PDZD2: variants seen among roughly 807,000 people sequenced by gnomAD.
PDZD2 encodes the protein PDZ domain containing 2.
PDZD2 carries 90 observed loss-of-function variants against 220.7 expected under a neutral mutation model. The observed-to-expected ratio is 0.41, with a 90% CI of 0.34 to 0.49. The LOEUF (loss-of-function observed/expected upper bound fraction) is 0.49, where lower values mean the gene tolerates loss of function less well. Among genes scored for constraint, PDZD2 ranks in the 20% least tolerant of loss-of-function variants. PDZD2 has a pLI of 0.28. For missense variants in PDZD2, 3,174 were observed against 3,608.5 expected, an observed-to-expected ratio of 0.88 and a Z score of 3.08; for synonymous variants, 1,375 against 1,450.5, an observed-to-expected ratio of 0.95 and a Z score of 1.18.
At chr5:32,106,198 C>T (rs781567766) in intron 24 of PDZD2, 8 of 154,828 alleles carry the variant, frequency 5.2e-5, no homozygotes, top group Non-Finnish European at 8.5e-5. Flanking sequence ...TGATGGGAGA[C>T]AATGACAGAT....
intron 5 of PDZD2, among the ~76,000 whole-genome samples, chr5:32,005,351 G>C (rs1018415096): frequency 6.6e-6 from 1 of 152,166 alleles, no homozygotes; most frequent in African/African-American, 2.4e-5. Flanking sequence ...TTTGCTTATA[G>C]TAGGAGCTTA....
At chr5:31,645,294 A>G (rs1364489398) in intron 1 of PDZD2, among the ~76,000 whole-genome samples, 1 of 150,722 alleles carries the variant, frequency 6.6e-6, no homozygotes, top group Non-Finnish European at 1.5e-5. Context: ...GTGTTTTAGC[A>G]GGAGTCGAAA....
intron 2 of PDZD2, among the ~76,000 whole-genome samples, chr5:31,890,642 T>C (rs1241744473): frequency 6.6e-6 from 1 of 152,202 alleles, no homozygotes; most frequent in Non-Finnish European, 1.5e-5. Flanking sequence ...AAGAGAAGGC[T>C]GGCTTAACAT....
intron 1 of PDZD2, among the ~76,000 whole-genome samples, chr5:31,697,966 G>T (rs555494699): frequency 1.7e-4 from 26 of 151,444 alleles, no homozygotes; most frequent in African/African-American, 6.3e-4. Context: ...GCAGTGGCGC[G>T]ATCTTGGCTC....
rs374729408 is a variant in PDZD2 at position 32,088,223 on chromosome 5, C to T, written c.4775C>T (p.Ser1592Leu). The T allele has an allele frequency of 1.3e-5, 21 of 1,614,134 alleles. No individual in the cohort carries two copies. The African/African-American group carries it at 2.3e-4, about 17-fold the overall frequency. ...SRVSLHKEDPSESEEEQIEIC... is the reference protein window; with the variant it reads ...SRVSLHKEDPLESEEEQIEIC... ...GTGTCTTTGCACAAGGAAGATCCTT[C>T]GGAGTCAGAAGAGGAACAGATTGAG... The change falls in exon 20 of 25, where the codon TCG becomes TTG. Residue 1592 changes from serine (S) to leucine (L), a missense_variant. By Grantham distance (145) the Ser-to-Leu change is moderately radical. Transcript: ENST00000438447. The surrounding 1 kb of genome is among the most constrained non-coding windows in gnomAD (Gnocchi z 4.6).
At chr5:31,733,709 G>A (rs1015007798) in intron 1 of PDZD2, among the ~76,000 whole-genome samples, 6 of 152,170 alleles carry the variant, frequency 3.9e-5, no homozygotes, top group East Asian at 1.9e-4. Context: ...GAAAAGTCGC[G>A]ATTCCTGGTG....
At chr5:31,661,181 G>A (rs760235760) in intron 1 of PDZD2, among the ~76,000 whole-genome samples, 4 of 152,250 alleles carry the variant, frequency 2.6e-5, no homozygotes, top group South Asian at 2.1e-4. Context: ...TCCTGGCTTC[G>A]GAGGTTCTGA....
chr5:31,933,826 C>T (rs1745501245), intron 2 of PDZD2, among the ~76,000 whole-genome samples: 1 of 152,152 alleles, frequency 6.6e-6, no homozygotes, highest in South Asian at 2.1e-4. Flanking sequence ...ACAGTGGTCT[C>T]CTAAGCCCAG....
rs200484067 is a variant in PDZD2, at chr5:32,053,755, T to C, written c.1786-14T>C. ...CACACTGTCAACCTGGACTCTCATC[T>C]GCTTCGGATCTAGGGCCTTGGCTTT... On this transcript the variant is annotated splice_polypyrimidine_tract_variant and intron_variant, in intron 9 of 24. Coordinates refer to ENST00000438447, the MANE Select transcript of PDZD2 (RefSeq NM_178140.4). 38 of 1,477,726 alleles carry C rather than the reference T, an allele frequency of 2.6e-5. No individual in the cohort carries two copies. The African/African-American group carries it at 4.6e-4, about 18-fold the overall frequency. 91.5% of individuals were successfully genotyped at this position (1,477,726 alleles called of 1,614,324 possible).
chr5:31,872,174 C>T (rs560913006), intron 2 of PDZD2, among the ~76,000 whole-genome samples: 2 of 66,836 alleles, frequency 3.0e-5, no homozygotes, highest in African/African-American at 1.1e-4. Context: ...TGTGTGTAAC[C>T]AGCCCACCTG....
intron 8 of PDZD2, among the ~76,000 whole-genome samples, chr5:32,051,780 C>T (rs1340459667): frequency 6.6e-6 from 1 of 152,196 alleles, no homozygotes; most frequent in East Asian, 1.9e-4. Flanking sequence ...AGAACTGAAG[C>T]TGCTGCCGTC....
chr5:31,994,048 C>G (rs1160707928), intron 3 of PDZD2, among the ~76,000 whole-genome samples: 1 of 152,038 alleles, frequency 6.6e-6, no homozygotes, highest in East Asian at 1.9e-4. Context: ...GATGGAGTCT[C>G]ACTGTGTCAC....
At chr5:31,991,141 T>TTCTC (rs1362665174) in intron 3 of PDZD2, among the ~76,000 whole-genome samples, 2 of 152,188 alleles carry the variant, frequency 1.3e-5, no homozygotes, top group African/African-American at 2.4e-5. Flanking sequence ...TTGAACCTTA[T>TTCTC]TCTCGGTCCT....
Position 31,735,838 on chromosome 5 carries a change from G to A in PDZD2, c.-360-63051G>A, listed in dbSNP as rs369980226. On this transcript the variant is annotated intron_variant, in intron 1 of 24. Coordinates refer to ENST00000438447, the MANE Select transcript of PDZD2 (RefSeq NM_178140.4). ...CATGCGCCTGTAGTCCCAGCTACTCGGGAGGCTGAGGCAAGAGAATTGCTT... is the reference window on the plus strand; with the variant it reads ...CATGCGCCTGTAGTCCCAGCTACTCAGGAGGCTGAGGCAAGAGAATTGCTT... Among the ~76,000 whole-genome samples the A allele has an allele frequency of 3.0e-4, 45 of 152,230 alleles. 1 individual carries two copies. In the East Asian group the frequency reaches 5.4e-3, roughly 18 times the overall value.
At chr5:31,832,059 TTTTG>T (rs1442015136) in intron 2 of PDZD2, among the ~76,000 whole-genome samples, 4 of 152,230 alleles carry the variant, frequency 2.6e-5, no homozygotes, top group East Asian at 1.9e-4. Flanking sequence ...TTGTTTTGTT[TTTTG>T]TTTGTTTGTT....
intron 2 of PDZD2, among the ~76,000 whole-genome samples, chr5:31,929,723 A>G (rs1344641584): frequency 6.8e-6 from 1 of 146,370 alleles, no homozygotes; most frequent in African/African-American, 2.6e-5. Context: ...GTGGTGCTGG[A>G]CATGTGTAAT....
Position 31,862,101 on chromosome 5 carries a change from G to GATT in PDZD2, c.476+62377_476+62378insATT, listed in dbSNP as rs1554084877. ...AATAGACTCAATGTTTTTTTTTTGG[G>GATT]TTTTTTTTTTTTTTTTTTTTTTGAG... On this transcript the variant is annotated intron_variant, in intron 2 of 24. Transcript: ENST00000438447. 1.5e-4 allele frequency among the ~76,000 whole-genome samples: 12 copies of GATT among 78,498 alleles called. No individual in the cohort carries two copies. In the Admixed American group the frequency reaches 1.9e-3, roughly 13 times the overall value. The allele number at this position is 78,498 out of a possible 152,430, so 51.5% of individuals were successfully genotyped here. A position where few individuals can be genotyped will look rare whatever the true frequency, so the allele number is the denominator to read the frequency against.
intron 2 of PDZD2, among the ~76,000 whole-genome samples, chr5:31,876,997 A>C (rs1739363737): frequency 6.6e-6 from 1 of 152,218 alleles, no homozygotes; most frequent in African/African-American, 2.4e-5. Context: ...TTTATCTATA[A>C]AATGGGGATA....
rs188253252 is a variant in PDZD2 at position 31,666,462 on chromosome 5, A to G, written c.-361+27025A>G. 1.3e-4 allele frequency among the ~76,000 whole-genome samples: 20 copies of G among 152,374 alleles called. No homozygotes were observed. The East Asian group carries it at 3.7e-3, about 28-fold the overall frequency. ...ATCTCAAGGGAAAGCGCCTTTTGCG[A>G]TTATTTTGACAAGTTCATACATGCA... is the stretch of plus-strand genomic sequence containing the variant. On this transcript the variant is annotated intron_variant, in intron 1 of 24. Transcript: ENST00000438447.
Sources: allele counts gnomAD v4.1 joint callset (sites outside exome capture counted in the v4.1 genomes callset), GRCh38; gene constraint gnomAD v4.1.1; non-coding constraint Gnocchi (gnomAD v3.1); transcripts MANE v1.5; gene names NCBI Gene and HGNC (gene_info 2026-07-23, HGNC 2026-07-21).